VEPH1: variants seen among roughly 807,000 people sequenced by gnomAD.
VEPH1 encodes ventricular zone-expressed PH domain-containing protein homolog 1.
Under a neutral mutation model 85.2 loss-of-function variants are expected in VEPH1, and 80 were observed. The ratio of observed to expected loss-of-function variants is 0.94; its 90% CI spans 0.78 to 1.13. VEPH1 has a LOEUF of 1.13. Ranked by LOEUF, VEPH1 falls within the 50% of genes most tolerant of loss-of-function variation. The probability of loss-of-function intolerance (pLI) is 0.00; values close to 1 mark genes in which losing one functional copy is unlikely to be tolerated. For missense variants in VEPH1, 955 were observed against 980.5 expected (o/e 0.97, Z 0.35); for synonymous variants, 297 against 348.0 (o/e 0.85, Z 1.63).
In VEPH1 at chr3:157,363,411, A is replaced by G. The variant is rs765539970; in HGVS notation, c.1688T>C (p.Met563Thr). The change falls in exon 9 of 14, where the codon ATG becomes ACG. Residue 563 changes from methionine (M) to threonine (T), a missense_variant. Met to Thr is a moderately conservative substitution (Grantham distance 81, BLOSUM62 -1). Transcript: ENST00000362010. ...GACTGGAATCTTCTTTCCAATTTCC[A>G]TGGCATATGCTTTCACTTTGCTGAG... Reference protein sequence around the residue: ...KNLSKVKAYAMEIGKKIPVPD... With the variant: ...KNLSKVKAYATEIGKKIPVPD... 7 of 1,610,998 alleles carry G rather than the reference A, an allele frequency of 4.3e-6. No homozygotes were observed. In the African/African-American group the frequency reaches 9.4e-5, roughly 22 times the overall value.
intron 7 of VEPH1, among the ~76,000 whole-genome samples, chr3:157,368,484 T>TTTTTG (rs1173970808): frequency 1.3e-5 from 2 of 148,842 alleles, no homozygotes; most frequent in East Asian, 1.9e-4. Context: ...AAGTTTTTTG[T>TTTTTG]TTGTTTGTTT....
chr3:157,317,005 A>T, intron 10 of VEPH1, 57 bp downstream of exon 10: 1 of 1,532,786 alleles, frequency 6.5e-7, no homozygotes, highest in Non-Finnish European at 8.8e-7. Context: ...AAAAATGATT[A>T]TAAGCCCATA....
intron 4 of VEPH1, among the ~76,000 whole-genome samples, chr3:157,458,788 G>A (rs553218914): frequency 1.3e-5 from 2 of 152,156 alleles, no homozygotes; most frequent in Non-Finnish European, 2.9e-5. Context: ...TCCATTTTGA[G>A]TTAATTTTTG....
chr3:157,300,077 G>C (rs976402298), intron 11 of VEPH1, among the ~76,000 whole-genome samples: 13 of 152,176 alleles, frequency 8.5e-5, no homozygotes, highest in Admixed American at 2.0e-4. Context: ...CCCAGATCCT[G>C]AGTTTCTAGT....
At chr3:157,281,301 G>A (rs1029788704) in intron 12 of VEPH1, among the ~76,000 whole-genome samples, 3 of 152,070 alleles carry the variant, frequency 2.0e-5, no homozygotes, top group Non-Finnish European at 4.4e-5. Context: ...TTTTTATTTT[G>A]TCTTTAAGTA....
At chr3:157,392,859 G>T (rs556887322) in intron 6 of VEPH1, among the ~76,000 whole-genome samples, 15 of 152,232 alleles carry the variant, frequency 9.9e-5, no homozygotes, top group African/African-American at 3.1e-4. Context: ...ATCACTAATT[G>T]TATCTCACCC....
At chr3:157,317,961 G>A (rs756271796) in intron 9 of VEPH1, among the ~76,000 whole-genome samples, 14 of 152,182 alleles carry the variant, frequency 9.2e-5, no homozygotes, top group Non-Finnish European at 1.9e-4. Flanking sequence ...CCTACAAGAT[G>A]GGTATTATTT....
intron 9 of VEPH1, among the ~76,000 whole-genome samples, chr3:157,359,939 T>C (rs1045554618): frequency 1.3e-5 from 2 of 152,204 alleles, no homozygotes; most frequent in African/African-American, 2.4e-5. Flanking sequence ...CTGCTGGCTA[T>C]ATGTCCCTTT....
At chr3:157,449,940 T>C (rs1175152814) in intron 4 of VEPH1, among the ~76,000 whole-genome samples, 1 of 151,556 alleles carries the variant, frequency 6.6e-6, no homozygotes, top group African/African-American at 2.4e-5. Flanking sequence ...TTTCAATTTA[T>C]TATGACTAGT....
intron 7 of VEPH1, among the ~76,000 whole-genome samples, chr3:157,366,417 AAAAAAACAAG>A (rs539951053): frequency 4.1e-4 from 63 of 151,852 alleles, no homozygotes; most frequent in South Asian, 3.3e-3. Context: ...AAACATCCTT[AAAAAAACAAG>A]AAAGAAAAAG....
rs147117722 is a variant in VEPH1 at position 157,358,571 on chromosome 3, C to T, written c.1735+4793G>A. 2.8e-3 allele frequency among the ~76,000 whole-genome samples: 424 copies of T among 152,268 alleles called. 5 individuals carry two copies. The East Asian group carries it at 0.043, about 15-fold the overall frequency. On this transcript the variant is annotated intron_variant, in intron 9 of 13. Coordinates refer to ENST00000362010, the MANE Select transcript of VEPH1 (RefSeq NM_001167912.2). ...AGTGGATGGGCGTAATCAACATCCC[C>T]CAGATGGGACCAACTGGACCAGGAG...
chr3:157,390,516 A>ATTTTG lies in VEPH1; in HGVS notation c.907-9145_907-9141dup, dbSNP rs905929959. Among the ~76,000 whole-genome samples the ATTTTG allele has an allele frequency of 6.6e-5, 10 of 152,254 alleles. No homozygotes were observed. In the East Asian group the frequency reaches 7.7e-4, roughly 12 times the overall value. ...GTGACCATTTTTTAAAAAACACCTC[A>ATTTTG]TTTTGTTTTGTTTTGTTTTGTTTTC... On this transcript the variant is annotated intron_variant, in intron 6 of 13. Coordinates refer to ENST00000362010, the MANE Select transcript of VEPH1 (RefSeq NM_001167912.2).
intron 11 of VEPH1, among the ~76,000 whole-genome samples, chr3:157,313,056 T>C (rs1002116239): frequency 3.3e-5 from 5 of 150,856 alleles, no homozygotes; most frequent in Admixed American, 1.3e-4. Context: ...AGGCGCCCGC[T>C]ACCACGCCCG....
intron 2 of VEPH1, among the ~76,000 whole-genome samples, chr3:157,476,275 T>C (rs915092181): frequency 6.6e-6 from 1 of 152,220 alleles, no homozygotes; most frequent in African/African-American, 2.4e-5. Context: ...TTAGACCTTT[T>C]CCACCCTGGA....
intron 7 of VEPH1, among the ~76,000 whole-genome samples, chr3:157,368,487 G>GT (rs1726990620): frequency 7.2e-6 from 1 of 139,360 alleles, no homozygotes; most frequent in African/African-American, 3.0e-5. Context: ...TTTTTTGTTT[G>GT]TTTGTTTGTT....
chr3:157,374,084 A>T (rs1426974830), intron 7 of VEPH1, among the ~76,000 whole-genome samples: 2 of 152,204 alleles, frequency 1.3e-5, no homozygotes, highest in Admixed American at 6.5e-5. Flanking sequence ...GGAGTAAATG[A>T]ATAACAGCTG....
At chr3:157,283,837 TA>T (rs1716438216) in intron 12 of VEPH1, among the ~76,000 whole-genome samples, 1 of 152,208 alleles carries the variant, frequency 6.6e-6, no homozygotes, top group African/African-American at 2.4e-5. Context: ...TCAATTCTTT[TA>T]AAAAATATCA....
chr3:157,437,765 G>C, intron 4 of VEPH1: 1 of 1,486,112 alleles, frequency 6.7e-7, no homozygotes, highest in East Asian at 2.8e-5. Context: ...CGCGACGCGG[G>C]CCGCAGGCTG....
intron 4 of VEPH1, chr3:157,437,667 C>G (rs987914694): frequency 2.6e-6 from 4 of 1,539,522 alleles, no homozygotes; most frequent in Non-Finnish European, 3.5e-6. Context: ...TGGGCCGGCT[C>G]GCGGAAAGCC....
Sources: allele counts gnomAD v4.1 joint callset (sites outside exome capture counted in the v4.1 genomes callset), GRCh38; gene constraint gnomAD v4.1.1; transcripts MANE v1.5; gene names NCBI Gene and HGNC (gene_info 2026-07-23, HGNC 2026-07-21).